Variants in HCN1 observed in about 807,000 individuals in gnomAD.
HCN1 encodes the protein hyperpolarization activated cyclic nucleotide gated potassium channel 1.
A neutral mutation model predicts 78.9 loss-of-function variants in HCN1; 13 were observed. The ratio of observed to expected loss-of-function variants is 0.16; its 90% CI spans 0.11 to 0.26. The LOEUF (loss-of-function observed/expected upper bound fraction) is 0.26, where lower values mean the gene tolerates loss of function less well. Ranked by LOEUF, HCN1 falls within the 10% of genes least tolerant of loss-of-function variation. The pLI is 1.00. For missense variants in HCN1, 810 were observed against 1,154.3 expected (o/e 0.70, Z 4.32); for synonymous variants, 552 against 455.5 (o/e 1.21, Z -2.70).
intron 4 of HCN1, among the ~76,000 whole-genome samples, chr5:45,373,357 A>T (rs1266731667): frequency 1.7e-5 from 2 of 120,042 alleles, no homozygotes; most frequent in Non-Finnish European, 3.2e-5. Flanking sequence ...ATATATATTT[A>T]TAAATATAAT....
chr5:45,429,048 A>G (rs1740410842), intron 3 of HCN1, among the ~76,000 whole-genome samples: 2 of 152,180 alleles, frequency 1.3e-5, no homozygotes, highest in Non-Finnish European at 2.9e-5. Context: ...CTTTGAATGC[A>G]TTGTCATTTA....
In HCN1 at chr5:45,565,633, G is replaced by C. The variant is rs1743693548; in HGVS notation, c.849+79552C>G. Among the ~76,000 whole-genome samples, 3 of 152,032 alleles carry C rather than the reference G, an allele frequency of 2.0e-5. No homozygotes were observed. The South Asian group carries it at 6.2e-4, about 32-fold the overall frequency. On this transcript the variant is annotated intron_variant, in intron 2 of 7. Coordinates refer to ENST00000303230, the MANE Select transcript of HCN1 (RefSeq NM_021072.4). The stretch of plus-strand genomic sequence containing the variant: ...AGCCCAGGAGTTTGAGACCAGCCTG[G>C]GCAACATAGAGAGACCTCACCTCTA...
In HCN1 at chr5:45,364,065, C is replaced by T. The variant is rs144911103; in HGVS notation, c.1231-10819G>A. 4.6e-3 allele frequency among the ~76,000 whole-genome samples: 707 copies of T among 152,166 alleles called. 3 individuals are homozygous for T. In the Middle Eastern group the frequency reaches 0.058, roughly 12 times the overall value. On this transcript the variant is annotated intron_variant, in intron 4 of 7. Coordinates refer to ENST00000303230, the MANE Select transcript of HCN1 (RefSeq NM_021072.4). ...ACTAAGACAGTATTACAAACTGAGC[C>T]CTTCCTCCTAAGACATCTTTTCCTG...
intron 2 of HCN1, among the ~76,000 whole-genome samples, chr5:45,614,741 C>T (rs369937509): frequency 6.6e-6 from 1 of 151,968 alleles, no homozygotes; most frequent in Admixed American, 6.6e-5. Context: ...GCTAAAGCAG[C>T]AAAATTTGAT....
rs752776041 is a variant in HCN1 at position 45,313,414 on chromosome 5, G to GA, written c.1378-9576dup. 2.2e-4 allele frequency among the ~76,000 whole-genome samples: 33 copies of GA among 152,190 alleles called. 1 individual carries two copies. The Middle Eastern group carries it at 0.031, about 141-fold the overall frequency. On this transcript the variant is annotated intron_variant, in intron 5 of 7. Transcript: ENST00000303230. ...AGGTAGATAAAACCACAAAGGTGGGGAAAAAAACAGAGCAGAAAAGCTAAA... is the reference window on the plus strand; with the variant it reads ...AGGTAGATAAAACCACAAAGGTGGGGAAAAAAAACAGAGCAGAAAAGCTAAA...
chr5:45,504,363 T>C (rs1164686013), intron 2 of HCN1, among the ~76,000 whole-genome samples: 1 of 152,170 alleles, frequency 6.6e-6, no homozygotes, highest in East Asian at 1.9e-4. Flanking sequence ...TGGTTTTTTG[T>C]TCTTGCGATA....
At chr5:45,593,320 T>C (rs1293804137) in intron 2 of HCN1, among the ~76,000 whole-genome samples, 2 of 50,490 alleles carry the variant, frequency 4.0e-5, no homozygotes, top group East Asian at 1.0e-3. Context: ...TCTCTCTCTC[T>C]CCCTCTCTCT....
At chr5:45,542,717 T>C (rs570177334) in intron 2 of HCN1, among the ~76,000 whole-genome samples, 3 of 152,140 alleles carry the variant, frequency 2.0e-5, no homozygotes, top group Non-Finnish European at 4.4e-5. Flanking sequence ...AGTGACAGGA[T>C]TTCTACTGTT....
intron 4 of HCN1, among the ~76,000 whole-genome samples, chr5:45,383,365 C>T (rs1410047032): frequency 1.3e-5 from 2 of 151,758 alleles, no homozygotes; most frequent in African/African-American, 4.8e-5. Context: ...AATTTTAAAA[C>T]ATGGTACATA....
intron 2 of HCN1, among the ~76,000 whole-genome samples, chr5:45,591,099 TG>T (rs2111943714): frequency 6.6e-6 from 1 of 152,258 alleles, no homozygotes; most frequent in Admixed American, 6.5e-5. Flanking sequence ...TCACTGTGTT[TG>T]GCCTAGTTTC....
chr5:45,312,391 C>A (rs186609602), intron 5 of HCN1, among the ~76,000 whole-genome samples: 16 of 152,214 alleles, frequency 1.1e-4, no homozygotes, highest in Admixed American at 9.2e-4. Flanking sequence ...GGGGGCGGTT[C>A]CAAGATGGCC....
At chr5:45,426,210 T>G (rs565957272) in intron 3 of HCN1, among the ~76,000 whole-genome samples, 1 of 152,216 alleles carries the variant, frequency 6.6e-6, no homozygotes, top group Non-Finnish European at 1.5e-5. Context: ...GTATGGTGAA[T>G]ACCTTTTTGT....
intron 1 of HCN1, among the ~76,000 whole-genome samples, chr5:45,690,964 A>C (rs548547470): frequency 6.6e-6 from 1 of 152,242 alleles, no homozygotes; most frequent in African/African-American, 2.4e-5. Context: ...CAGAATGATA[A>C]GATTATCACC....
At chr5:45,363,558 A>G (rs928167680) in intron 4 of HCN1, among the ~76,000 whole-genome samples, 2 of 151,902 alleles carry the variant, frequency 1.3e-5, no homozygotes, top group Non-Finnish European at 2.9e-5. Context: ...TATACCCTTC[A>G]TTAGATTTTC....
chr5:45,661,391 A>G (rs1419384105), intron 1 of HCN1, among the ~76,000 whole-genome samples: 1 of 150,976 alleles, frequency 6.6e-6, no homozygotes, highest in Non-Finnish European at 1.5e-5. Context: ...CACAATTAAA[A>G]GAACTAGAAA....
At chr5:45,617,819 C>T (rs1231161650) in intron 2 of HCN1, among the ~76,000 whole-genome samples, 1 of 133,160 alleles carries the variant, frequency 7.5e-6, no homozygotes, top group Non-Finnish European at 1.8e-5. Context: ...TTCCTAGCAG[C>T]AAGCATTACC....
intron 1 of HCN1, among the ~76,000 whole-genome samples, chr5:45,657,567 G>C (rs1415397071): frequency 2.6e-5 from 4 of 152,068 alleles, no homozygotes; most frequent in Admixed American, 1.3e-4. Flanking sequence ...TTTGTAATTT[G>C]CACATTTTGG....
At chr5:45,531,493 T>A (rs1742849903) in intron 2 of HCN1, among the ~76,000 whole-genome samples, 1 of 152,184 alleles carries the variant, frequency 6.6e-6, no homozygotes, top group South Asian at 2.1e-4. Flanking sequence ...GTCCCGTGTT[T>A]TTAAAGAACA....
rs182304538 is a variant in HCN1 at position 45,410,792 on chromosome 5, T to A, written c.1012-14082A>T. ...GCACTTAAAGCTATTTTTAGAAGCC[T>A]AATTCCCAACTTAAATTCTTATCCT... On this transcript the variant is annotated intron_variant, in intron 3 of 7. Coordinates refer to ENST00000303230, the MANE Select transcript of HCN1 (RefSeq NM_021072.4). Among the ~76,000 whole-genome samples the A allele has an allele frequency of 3.3e-5, 5 of 152,184 alleles. No individual in the cohort carries two copies. The East Asian group carries it at 9.7e-4, about 29-fold the overall frequency.
Sources: allele counts gnomAD v4.1 joint callset (sites outside exome capture counted in the v4.1 genomes callset), GRCh38; gene constraint gnomAD v4.1.1; transcripts MANE v1.5; gene names NCBI Gene and HGNC (gene_info 2026-07-23, HGNC 2026-07-21).